GTF2F2: variants seen among roughly 807,000 people sequenced by gnomAD.
The protein encoded by GTF2F2 is general transcription factor IIF subunit 2.
GTF2F2 carries 23 observed loss-of-function variants against 42.2 expected under a neutral mutation model. The observed-to-expected ratio is 0.55, with a 90% confidence interval of 0.39 to 0.77. GTF2F2 has a LOEUF of 0.77. GTF2F2 is among the 30% of genes least tolerant of loss of function. The pLI is 0.00. For synonymous variants in GTF2F2, 105 were observed against 100.8 expected, an observed-to-expected ratio of 1.04 and a Z score of -0.25; for missense variants, 261 against 287.2, an observed-to-expected ratio of 0.91 and a Z score of 0.66.
intron 4 of GTF2F2, among the ~76,000 whole-genome samples, chr13:45,191,196 C>T (rs1555267723): frequency 1.9e-5 from 2 of 104,238 alleles, no homozygotes; most frequent in African/African-American, 5.5e-5. Context: ...ATGATGAAAC[C>T]CCGTCTCTAC....
chr13:45,208,123 CAAA>C (rs796845824), intron 5 of GTF2F2, among the ~76,000 whole-genome samples: 5 of 108,412 alleles, frequency 4.6e-5, no homozygotes, highest in Non-Finnish European at 3.9e-5. Context: ...GACCTTGTCT[CAAA>C]AAAAAAAAAA....
At chr13:45,141,596 T>G (rs759647853) in intron 2 of GTF2F2, among the ~76,000 whole-genome samples, 3 of 152,234 alleles carry the variant, frequency 2.0e-5, no homozygotes. Context: ...TAGGCTGATT[T>G]ATGAGCTGGC....
chr13:45,135,634 A>G (rs1037314092), intron 1 of GTF2F2, among the ~76,000 whole-genome samples: 3 of 152,088 alleles, frequency 2.0e-5, no homozygotes, highest in Admixed American at 6.5e-5. Flanking sequence ...TCATCCTTCT[A>G]TTCCTGAATT....
chr13:45,187,331 G>A (rs1872468657), intron 4 of GTF2F2, among the ~76,000 whole-genome samples: 1 of 152,016 alleles, frequency 6.6e-6, no homozygotes, highest in South Asian at 2.1e-4. Flanking sequence ...TAAAATAACT[G>A]GTGGTTGAAA....
chr13:45,278,268 C>T (rs1005016330), intron 7 of GTF2F2, among the ~76,000 whole-genome samples: 4 of 152,144 alleles, frequency 2.6e-5, no homozygotes, highest in Non-Finnish European at 4.4e-5. Context: ...TTTTGCCCAC[C>T]GCAGTTTTAA....
At chr13:45,189,670 T>C (rs117273046) in intron 4 of GTF2F2, among the ~76,000 whole-genome samples, 2 of 147,106 alleles carry the variant, frequency 1.4e-5, no homozygotes, top group East Asian at 3.9e-4. Flanking sequence ...GGGCAAAGGC[T>C]GTTGTGGTTT....
At chr13:45,167,423 G>C (rs1357137420) in intron 4 of GTF2F2, among the ~76,000 whole-genome samples, 5 of 129,028 alleles carry the variant, frequency 3.9e-5, no homozygotes, top group Admixed American at 2.4e-4. Context: ...TTTTGAGATA[G>C]AGCCTTGCTG....
intron 4 of GTF2F2, among the ~76,000 whole-genome samples, chr13:45,159,751 G>A (rs1870945424): frequency 6.6e-6 from 1 of 152,208 alleles, no homozygotes; most frequent in South Asian, 2.1e-4. Flanking sequence ...GGGATTACAA[G>A]CGTTGGCCAC....
chr13:45,225,594 G>A (rs182885632), intron 5 of GTF2F2, among the ~76,000 whole-genome samples: 21 of 147,558 alleles, frequency 1.4e-4, no homozygotes, highest in African/African-American at 4.8e-4. Flanking sequence ...TTGTGCAACA[G>A]GAGTGAAGCT....
intron 4 of GTF2F2, among the ~76,000 whole-genome samples, chr13:45,191,216 A>G (rs997676148): frequency 1.2e-3 from 62 of 52,604 alleles, no homozygotes; most frequent in Non-Finnish European, 1.6e-3. Flanking sequence ...CTAAAAATAC[A>G]AAAAAAAAAT....
At chr13:45,173,908 C>T (rs559550793) in intron 4 of GTF2F2, among the ~76,000 whole-genome samples, 5 of 152,258 alleles carry the variant, frequency 3.3e-5, no homozygotes, top group South Asian at 2.1e-4. Context: ...TGAGTCACCG[C>T]GCCCGGCCAA....
At chr13:45,219,784 T>A (rs1048150291) in intron 5 of GTF2F2, among the ~76,000 whole-genome samples, 4 of 152,258 alleles carry the variant, frequency 2.6e-5, no homozygotes, top group African/African-American at 9.6e-5. Context: ...TCATATATTG[T>A]ACACTTTTGT....
intron 6 of GTF2F2, among the ~76,000 whole-genome samples, chr13:45,256,104 G>C (rs972653203): frequency 4.6e-5 from 7 of 152,036 alleles, no homozygotes; most frequent in Admixed American, 2.0e-4. Context: ...ATTATTTTTG[G>C]ATGGTAGGAT....
At chr13:45,133,659 G>A (rs535608850) in intron 1 of GTF2F2, among the ~76,000 whole-genome samples, 2 of 152,312 alleles carry the variant, frequency 1.3e-5, no homozygotes, top group South Asian at 4.1e-4. Flanking sequence ...CTAGGCACTA[G>A]GCAAACCTAG....
intron 7 of GTF2F2, among the ~76,000 whole-genome samples, chr13:45,271,744 G>C (rs1876804297): frequency 1.3e-5 from 2 of 152,198 alleles, no homozygotes; most frequent in African/African-American, 4.8e-5. Flanking sequence ...TAGAGATGGG[G>C]TTTTGCCATG....
chr13:45,180,267 T>C (rs1427407100), intron 4 of GTF2F2, among the ~76,000 whole-genome samples: 6 of 152,214 alleles, frequency 3.9e-5, no homozygotes, highest in African/African-American at 1.4e-4. Context: ...TATTCTGTAT[T>C]GTCTAGATTT....
At chr13:45,216,075 TACA>T (rs1010573408) in intron 5 of GTF2F2, among the ~76,000 whole-genome samples, 54 of 152,034 alleles carry the variant, frequency 3.6e-4, no homozygotes, top group South Asian at 3.5e-3. Context: ...ACACCATCCC[TACA>T]ACAACAACAA....
chr13:45,151,789 G>A lies in GTF2F2; in HGVS notation c.262G>A (p.Val88Ile), dbSNP rs771848287. ...AGAACATCCATTTGTCTTGCAAAGT[G>A]TTGGAGGACAGACATTAACAGTATT... ...PREHPFVLQSVGGQTLTVFTE... is the reference protein window; with the variant it reads ...PREHPFVLQSIGGQTLTVFTE... Residue 88 changes from valine (V) to isoleucine (I), a missense_variant, in exon 4 of 8, where the codon GTT becomes ATT. By Grantham distance (29) the Val-to-Ile change is conservative. Coordinates refer to ENST00000340473, the MANE Select transcript of GTF2F2 (RefSeq NM_004128.3). 13 of 1,579,678 alleles carry A rather than the reference G, an allele frequency of 8.2e-6. No homozygotes were observed. The Admixed American group carries it at 1.6e-4, about 19-fold the overall frequency.
chr13:45,271,378 TTTTTA>T (rs766268184), intron 7 of GTF2F2, among the ~76,000 whole-genome samples: 1 of 152,018 alleles, frequency 6.6e-6, no homozygotes, highest in African/African-American at 2.4e-5. Context: ...GAGAAGTTTA[TTTTTA>T]TTTTATTTTA....
Sources: gnomAD v4.1 joint callset for allele counts (sites outside exome capture counted in the v4.1 genomes callset) on GRCh38, gnomAD v4.1.1 for gene constraint, MANE v1.5 for transcripts, NCBI Gene and HGNC (gene_info 2026-07-23, HGNC 2026-07-21) for gene names.